The following MATCAP2 variants were observed in gnomAD, a reference collection of about 807,000 sequenced individuals.
MATCAP2 encodes microtubule associated tyrosine carboxypeptidase 2.
At chr7:36,356,594 G>A in the MATCAP2 span, 1 of 525,706 alleles carries the variant, frequency 1.9e-6, no homozygotes. Context: ...TCTGTAGGCG[G>A]CTAAATTGGC....
At chr7:36,356,889 A>T in the MATCAP2 span, 11 of 1,606,268 alleles carry the variant, frequency 6.8e-6, no homozygotes, top group Non-Finnish European at 9.4e-6. Flanking sequence ...CCACTATTGA[A>T]ATGGCATTTT....
At chr7:36,367,012 C>G in the MATCAP2 span, 41 of 1,301,190 alleles carry the variant, frequency 3.2e-5, no homozygotes, top group Non-Finnish European at 3.8e-5. Context: ...CGGGCGGCCT[C>G]TAGCCTCTGA....
the MATCAP2 span, among the ~76,000 whole-genome samples, chr7:36,350,063 A>C: frequency 3.3e-5 from 5 of 152,370 alleles, no homozygotes; most frequent in South Asian, 1.0e-3. Context: ...AAAAGGTATA[A>C]TTTAAAGAAG....
the MATCAP2 span, chr7:36,367,316 C>A: frequency 9.9e-7 from 1 of 1,009,826 alleles, no homozygotes; most frequent in Non-Finnish European, 1.2e-6. Flanking sequence ...CGAAGGCCCG[C>A]GGGCGGCGAG....
the MATCAP2 span, chr7:36,389,806 A>G: frequency 1.2e-6 from 1 of 846,222 alleles, no homozygotes; most frequent in Non-Finnish European, 1.8e-6. Context: ...GGCTCCGCCC[A>G]GCGCGCATGC....
chr7:36,366,868 C>A, the MATCAP2 span: 1 of 1,491,778 alleles, frequency 6.7e-7, no homozygotes, highest in East Asian at 2.7e-5. Flanking sequence ...CGGCGGGACC[C>A]CGGTCCGCCC....
chr7:36,342,818 G>T, the MATCAP2 span, among the ~76,000 whole-genome samples: 1 of 152,192 alleles, frequency 6.6e-6, no homozygotes, highest in Non-Finnish European at 1.5e-5. Context: ...TAGAGACAGA[G>T]TTTAACTGTG....
At chr7:36,364,091 C>CTT in the MATCAP2 span, among the ~76,000 whole-genome samples, 22 of 40,640 alleles carry the variant, frequency 5.4e-4, no homozygotes, top group South Asian at 3.1e-3. Flanking sequence ...TCTTCTTCTT[C>CTT]TTTTTTTTTT....
At chr7:36,372,394 G>A in the MATCAP2 span, among the ~76,000 whole-genome samples, 2 of 152,200 alleles carry the variant, frequency 1.3e-5, no homozygotes, top group East Asian at 1.9e-4. Flanking sequence ...AAATTTCAGC[G>A]AAGTTTGAAT....
the MATCAP2 span, among the ~76,000 whole-genome samples, chr7:36,362,676 A>G: frequency 6.6e-6 from 1 of 151,538 alleles, no homozygotes. Context: ...CAATTTCTCC[A>G]CTCCAGCCTT....
At chr7:36,341,665 G>C in the MATCAP2 span, among the ~76,000 whole-genome samples, 2 of 152,154 alleles carry the variant, frequency 1.3e-5, no homozygotes, top group Non-Finnish European at 2.9e-5. Context: ...CACCTTGAGA[G>C]ACCAAGGTGG....
the MATCAP2 span, among the ~76,000 whole-genome samples, chr7:36,343,805 G>A: frequency 1.3e-5 from 2 of 151,880 alleles, no homozygotes; most frequent in Non-Finnish European, 2.9e-5. Flanking sequence ...CATGTGAAAT[G>A]CATATGGCTA....
the MATCAP2 span, chr7:36,389,713 G>C: frequency 6.5e-6 from 2 of 307,176 alleles, no homozygotes; most frequent in Non-Finnish European, 1.2e-5. Flanking sequence ...GAGGGGGCCG[G>C]GAAGGAGGCG....
chr7:36,358,217 G>C, the MATCAP2 span, among the ~76,000 whole-genome samples: 1 of 151,654 alleles, frequency 6.6e-6, no homozygotes, highest in Non-Finnish European at 1.5e-5. Context: ...AAAGAATGTG[G>C]ATTTCATAGA....
At chr7:36,381,355 T>A in the MATCAP2 span, among the ~76,000 whole-genome samples, 14 of 151,714 alleles carry the variant, frequency 9.2e-5, no homozygotes, top group Non-Finnish European at 1.5e-5. Flanking sequence ...AGTTGGAAGG[T>A]TTGAGGAATG....
the MATCAP2 span, chr7:36,357,545 A>G: frequency 6.2e-7 from 1 of 1,613,964 alleles, no homozygotes. Flanking sequence ...TTCTGCATTT[A>G]GAATAGACTT....
At chr7:36,340,608 CTTGA>C in the MATCAP2 span, among the ~76,000 whole-genome samples, 1 of 152,172 alleles carries the variant, frequency 6.6e-6, no homozygotes, top group African/African-American at 2.4e-5. Context: ...CTTTCATTAT[CTTGA>C]TTCTTTTCTT....
the MATCAP2 span, among the ~76,000 whole-genome samples, chr7:36,374,999 T>TGCATGTGTCTTTATAGCAGC: frequency 1.3e-5 from 2 of 152,242 alleles, no homozygotes; most frequent in African/African-American, 4.8e-5. Context: ...GCAATAAACA[T>TGCATGTGTCTTTATAGCAGC]ACGTGTGCAT....
the MATCAP2 span, among the ~76,000 whole-genome samples, chr7:36,333,393 T>A: frequency 2.6e-5 from 4 of 152,156 alleles, no homozygotes; most frequent in African/African-American, 4.8e-5. Flanking sequence ...TGCTAATGGG[T>A]ATGGGTTTCT....
Sources: gnomAD v4.1 joint callset for allele counts (sites outside exome capture counted in the v4.1 genomes callset) on GRCh38, gnomAD v4.1.1 for gene constraint, MANE v1.5 for transcripts, NCBI Gene and HGNC (gene_info 2026-07-23, HGNC 2026-07-21) for gene names.